The following MAP3K19 variants were observed in gnomAD, a reference collection of about 807,000 sequenced individuals.
The protein encoded by MAP3K19 is mitogen-activated protein kinase kinase kinase 19, also known as SPS1/STE20-related protein kinase YSK4.
MAP3K19 carries 91 observed loss-of-function variants against 114.4 expected under a neutral mutation model. The ratio of observed to expected loss-of-function variants is 0.80; its 90% CI spans 0.67 to 0.95. The LOEUF (loss-of-function observed/expected upper bound fraction) is 0.95, where lower values mean the gene tolerates loss of function less well. MAP3K19 is among the 40% of genes least tolerant of loss of function. The pLI is 0.00. For synonymous variants in MAP3K19, 518 were observed against 530.5 expected, an observed-to-expected ratio of 0.98 and a Z score of 0.32; for missense variants, 1,471 against 1,573.2, an observed-to-expected ratio of 0.94 and a Z score of 1.10.
intron 6 of MAP3K19, among the ~76,000 whole-genome samples, chr2:135,002,612 T>TA (rs1686522557): frequency 4.1e-5 from 5 of 123,018 alleles, no homozygotes; most frequent in African/African-American, 1.1e-4. Context: ...AACACAGACT[T>TA]TAAAAAAAAA....
chr2:134,993,660 T>TTTCAAGTA (rs1201827418), intron 8 of MAP3K19, among the ~76,000 whole-genome samples: 1 of 152,250 alleles, frequency 6.6e-6, no homozygotes, highest in African/African-American at 2.4e-5. Context: ...AAAAAAACGC[T>TTTCAAGTA]TTCAAGTATT....
chr2:134,969,292 G>C (rs950957024), intron 12 of MAP3K19, among the ~76,000 whole-genome samples: 1 of 152,212 alleles, frequency 6.6e-6, no homozygotes, highest in Non-Finnish European at 1.5e-5. Flanking sequence ...AGTGAGCCGA[G>C]ATGGCAGCAG....
chr2:134,989,699 T>G (rs1685420330), intron 9 of MAP3K19, among the ~76,000 whole-genome samples: 1 of 152,164 alleles, frequency 6.6e-6, no homozygotes, highest in African/African-American at 2.4e-5. Flanking sequence ...TTCCAAAAAC[T>G]TATAAATTAG....
chr2:134,982,078 A>G (rs571074698), intron 11 of MAP3K19, among the ~76,000 whole-genome samples: 2 of 133,562 alleles, frequency 1.5e-5, no homozygotes, highest in East Asian at 2.2e-4. Context: ...GTGTGTGTGT[A>G]CTTTTTGTAG....
At chr2:134,982,606 T>C (rs1376810017) in intron 11 of MAP3K19, among the ~76,000 whole-genome samples, 1 of 152,114 alleles carries the variant, frequency 6.6e-6, no homozygotes, top group Non-Finnish European at 1.5e-5. Context: ...CGCCTCGGCC[T>C]CCCAAAGTTC....
chr2:134,975,142 C>T (rs1309876792), intron 12 of MAP3K19, among the ~76,000 whole-genome samples: 1 of 152,138 alleles, frequency 6.6e-6, no homozygotes, highest in East Asian at 1.9e-4. Context: ...TACATGGGCA[C>T]TAGTGTTAGT....
At chr2:135,038,172 T>C (rs1394796578) in intron 2 of MAP3K19, among the ~76,000 whole-genome samples, 3 of 152,122 alleles carry the variant, frequency 2.0e-5, no homozygotes, top group Admixed American at 6.5e-5. Flanking sequence ...AGAAGCATCA[T>C]TGTTTGTAAT....
At chr2:134,974,282 C>T (rs1051212053) in intron 12 of MAP3K19, among the ~76,000 whole-genome samples, 3 of 152,098 alleles carry the variant, frequency 2.0e-5, no homozygotes, top group Admixed American at 6.5e-5. Flanking sequence ...ATTACAGGTG[C>T]GAGCCACTAT....
At chr2:135,006,357 T>G (rs1574002343) in intron 5 of MAP3K19, among the ~76,000 whole-genome samples, 2 of 152,240 alleles carry the variant, frequency 1.3e-5, no homozygotes, top group South Asian at 2.1e-4. Flanking sequence ...AGGGGACTGA[T>G]GGACAATAAG....
At chr2:134,997,941 G>T (rs1051212868) in intron 8 of MAP3K19, among the ~76,000 whole-genome samples, 3 of 151,852 alleles carry the variant, frequency 2.0e-5, no homozygotes, top group African/African-American at 7.3e-5. Context: ...AGCTCCACTG[G>T]CATGCAGTCT....
At chr2:135,042,534 A>G (rs1455346603) in intron 1 of MAP3K19, among the ~76,000 whole-genome samples, 3 of 151,580 alleles carry the variant, frequency 2.0e-5, no homozygotes, top group Non-Finnish European at 2.9e-5. Context: ...AAAGAAAATT[A>G]AAAAGAAAAA....
At chr2:135,029,269 C>T (rs889682181) in intron 3 of MAP3K19, among the ~76,000 whole-genome samples, 1 of 151,974 alleles carries the variant, frequency 6.6e-6, no homozygotes, top group Non-Finnish European at 1.5e-5. Context: ...CCAGCTACTC[C>T]AGAGGCTGAG....
In MAP3K19 at chr2:135,021,729, T is replaced by C; in HGVS notation, c.124A>G (p.Ile42Val). The stretch of plus-strand genomic sequence containing the variant: ...GAGGCTCTTACCTCACTTCTGCTGA[T>C]GCTTTGCAAGATGATGTTTTGATTT... ...TKNQNIILQS[I>V]SRSEEFDQDG... Residue 42 changes from isoleucine to valine, a missense_variant, in exon 5 of 13, where the codon ATC (isoleucine) becomes GTC (valine). Coordinates refer to ENST00000392915, the MANE Select transcript of MAP3K19 (RefSeq NM_025052.5). 2 of 1,609,258 alleles carry C rather than the reference T, an allele frequency of 1.2e-6. No individual in the cohort carries two copies.
intron 5 of MAP3K19, 72 bp downstream of exon 5, chr2:135,021,643 G>A: frequency 1.3e-6 from 1 of 774,648 alleles, no homozygotes; most frequent in Non-Finnish European, 2.1e-6. Context: ...GTGTTATGAA[G>A]TATTCAAGCA....
At chr2:135,035,797 C>A (rs1310642455) in intron 2 of MAP3K19, among the ~76,000 whole-genome samples, 6 of 152,182 alleles carry the variant, frequency 3.9e-5, no homozygotes, top group African/African-American at 1.4e-4. Context: ...CCTCCCTCTG[C>A]AAGATCAAGT....
chr2:134,999,921 AAAG>A lies in MAP3K19; in HGVS notation c.314+13_314+15del. 2.0e-6 allele frequency: 3 copies of A among 1,537,892 alleles called. No individual in the cohort carries two copies. The highest frequency in any genetic ancestry group is 2.7e-6 in the Non-Finnish European group (3 of 1,110,882). ...TACTTCATTTCAAATCTGATACTTCAAAGAATATTCCTTACTTCTTTTCTTTTA... is the reference window on the plus strand; with the variant it reads ...TACTTCATTTCAAATCTGATACTTCAAATATTCCTTACTTCTTTTCTTTTA... On this transcript the variant is annotated intron_variant, in intron 7 of 12. Transcript: ENST00000392915. This position sits in a 1 kb window ranked among gnomAD's most constrained non-coding sequence, Gnocchi z 4.1.
At chr2:134,992,137 C>G (rs1212092818) in intron 8 of MAP3K19, among the ~76,000 whole-genome samples, 2 of 152,176 alleles carry the variant, frequency 1.3e-5, no homozygotes, top group African/African-American at 4.8e-5. Flanking sequence ...GAAAATCAGC[C>G]TCTAAATTTC....
chr2:135,015,950 C>T (rs932978987), intron 5 of MAP3K19, among the ~76,000 whole-genome samples: 3 of 151,896 alleles, frequency 2.0e-5, no homozygotes, highest in Admixed American at 6.6e-5. Context: ...CTTACATTTT[C>T]TTTCAAAAGG....
rs1685113138 is a variant in MAP3K19, at chr2:134,986,436, T to C, written c.2436A>G (p.Glu812=). ...CACCAGTAGACTCTTCCATAGAAAC[T>C]TCTTCAACAATGGATAAATCTGAGA... The part of the protein sequence containing the change: ...PPVSDLSIVE[E]VSMEESTGDR... Residue 812 remains glutamate, a synonymous_variant, in exon 10 of 13, where the codon GAA becomes GAG. Coordinates refer to ENST00000392915, the MANE Select transcript of MAP3K19 (RefSeq NM_025052.5). 3.1e-6 allele frequency: 5 copies of C among 1,614,062 alleles called. No individual in the cohort carries two copies. The highest frequency in any genetic ancestry group is 4.2e-6 in the Non-Finnish European group (5 of 1,180,022).
Sources: allele counts gnomAD v4.1 joint callset (sites outside exome capture counted in the v4.1 genomes callset), GRCh38; gene constraint gnomAD v4.1.1; non-coding constraint Gnocchi (gnomAD v3.1); transcripts MANE v1.5; gene names NCBI Gene and HGNC (gene_info 2026-07-23, HGNC 2026-07-21).